The following LRMDA variants were observed in gnomAD, a reference collection of about 807,000 sequenced individuals.
LRMDA encodes the protein leucine-rich melanocyte differentiation-associated protein.
Under a neutral mutation model 29.8 loss-of-function variants are expected in LRMDA, and 18 were observed. The observed-to-expected ratio is 0.60, with a 90% CI of 0.42 to 0.90. The LOEUF (loss-of-function observed/expected upper bound fraction) is 0.90, where lower values mean the gene tolerates loss of function less well. Ranked by LOEUF, LRMDA falls within the 40% of genes least tolerant of loss-of-function variation. LRMDA has a pLI of 0.00. For missense variants in LRMDA, 273 were observed against 273.9 expected, an observed-to-expected ratio of 1.00 and a Z score of 0.02; for synonymous variants, 125 against 109.4, an observed-to-expected ratio of 1.14 and a Z score of -0.89.
At chr10:76,431,713 G>A (rs1044307206) in intron 6 of LRMDA, among the ~76,000 whole-genome samples, 2 of 152,170 alleles carry the variant, frequency 1.3e-5, no homozygotes, top group South Asian at 4.1e-4. Flanking sequence ...ATAAAGAGAT[G>A]ATAGATCCTG....
chr10:75,693,516 G>C (rs80237370), intron 2 of LRMDA, among the ~76,000 whole-genome samples: 2,718 of 152,236 alleles, frequency 0.018, 89 homozygotes, highest in African/African-American at 0.058. Flanking sequence ...CCTTTAATTG[G>C]AGAGCATAAA....
chr10:75,688,195 C>G (rs1842104954), intron 2 of LRMDA, among the ~76,000 whole-genome samples: 1 of 152,146 alleles, frequency 6.6e-6, no homozygotes, highest in Non-Finnish European at 1.5e-5. Flanking sequence ...GCTCTAGTTG[C>G]CATAGATAGT....
At chr10:75,980,525 C>G (rs1445050846) in intron 2 of LRMDA, among the ~76,000 whole-genome samples, 2 of 152,104 alleles carry the variant, frequency 1.3e-5, no homozygotes, top group African/African-American at 4.8e-5. Context: ...GGCAGGGGGG[C>G]TATAATGTTC....
At chr10:76,179,686 A>G (rs1406126286) in intron 5 of LRMDA, among the ~76,000 whole-genome samples, 2 of 152,210 alleles carry the variant, frequency 1.3e-5, no homozygotes, top group Non-Finnish European at 2.9e-5. Context: ...ATCCACGGAC[A>G]TATTTATATG....
intron 6 of LRMDA, among the ~76,000 whole-genome samples, chr10:76,525,154 C>T (rs1843161724): frequency 6.6e-6 from 1 of 152,050 alleles, no homozygotes; most frequent in Non-Finnish European, 1.5e-5. Flanking sequence ...TCAGATCTTG[C>T]AAAAGATATG....
At chr10:76,359,073 A>T (rs1841278097) in intron 6 of LRMDA, among the ~76,000 whole-genome samples, 1 of 152,096 alleles carries the variant, frequency 6.6e-6, no homozygotes, top group South Asian at 2.1e-4. Context: ...CTCCTGTGAC[A>T]GTCAGCCACA....
At chr10:76,083,334 C>T (rs1400410460) in intron 5 of LRMDA, among the ~76,000 whole-genome samples, 1 of 152,150 alleles carries the variant, frequency 6.6e-6, no homozygotes, top group Non-Finnish European at 1.5e-5. Context: ...TGGCCCATCT[C>T]GTCCCAGAAC....
chr10:76,453,306 G>A (rs1463361776), intron 6 of LRMDA, among the ~76,000 whole-genome samples: 1 of 152,180 alleles, frequency 6.6e-6, no homozygotes, highest in Admixed American at 6.5e-5. Flanking sequence ...TGATATGAAA[G>A]AGTAAGGATT....
chr10:75,908,793 A>G (rs569828234), intron 2 of LRMDA, among the ~76,000 whole-genome samples: 122 of 152,308 alleles, frequency 8.0e-4, no homozygotes, highest in Non-Finnish European at 1.4e-3. Context: ...TCTGCCAGTT[A>G]GAGGTGAAGG....
chr10:76,239,358 C>T (rs1235736978), intron 5 of LRMDA, among the ~76,000 whole-genome samples: 1 of 152,144 alleles, frequency 6.6e-6, no homozygotes, highest in Non-Finnish European at 1.5e-5. Context: ...ATTATCACAA[C>T]TAAAAAAAGA....
chr10:76,188,532 G>A (rs1055290084), intron 5 of LRMDA, among the ~76,000 whole-genome samples: 7 of 152,122 alleles, frequency 4.6e-5, no homozygotes, highest in African/African-American at 1.7e-4. Context: ...CCCTCTTGCG[G>A]GGCCTTTGTA....
At chr10:75,527,728 TATA>T (rs1845429835) in intron 2 of LRMDA, among the ~76,000 whole-genome samples, 1 of 147,218 alleles carries the variant, frequency 6.8e-6, no homozygotes, top group Non-Finnish European at 1.5e-5. Context: ...AATATAATTA[TATA>T]ATAATTATAA....
At chr10:75,982,157 A>G (rs1847183907) in intron 2 of LRMDA, among the ~76,000 whole-genome samples, 1 of 152,064 alleles carries the variant, frequency 6.6e-6, no homozygotes, top group African/African-American at 2.4e-5. Context: ...TCCTTAGGGC[A>G]TTTTTTACTT....
At chr10:75,566,489 G>A (rs1840373753) in intron 2 of LRMDA, among the ~76,000 whole-genome samples, 1 of 152,130 alleles carries the variant, frequency 6.6e-6, no homozygotes, top group African/African-American at 2.4e-5. Context: ...AGTCTAAGAA[G>A]CACTGCTAAG....
At chr10:75,993,234 A>G (rs1847402353) in intron 2 of LRMDA, among the ~76,000 whole-genome samples, 1 of 152,144 alleles carries the variant, frequency 6.6e-6, no homozygotes, top group Non-Finnish European at 1.5e-5. Flanking sequence ...GTCCTAGGAA[A>G]GGGGTCCCAG....
chr10:76,303,824 A>G (rs1375360489), intron 5 of LRMDA, among the ~76,000 whole-genome samples: 1 of 151,724 alleles, frequency 6.6e-6, no homozygotes, highest in Non-Finnish European at 1.5e-5. Flanking sequence ...TATGACATTC[A>G]GTACTGCTGA....
intron 6 of LRMDA, among the ~76,000 whole-genome samples, chr10:76,493,723 C>T (rs1040805026): frequency 3.3e-5 from 5 of 151,864 alleles, no homozygotes; most frequent in Admixed American, 1.3e-4. Flanking sequence ...TATTTTAGGT[C>T]CCTTGCATTT....
chr10:76,392,617 G>A (rs1375242895), intron 6 of LRMDA, among the ~76,000 whole-genome samples: 1 of 151,878 alleles, frequency 6.6e-6, no homozygotes, highest in Non-Finnish European at 1.5e-5. Flanking sequence ...GAGTATTTAG[G>A]ATATCAGATT....
intron 6 of LRMDA, among the ~76,000 whole-genome samples, chr10:76,345,736 T>C (rs953212324): frequency 6.6e-6 from 1 of 152,080 alleles, no homozygotes; most frequent in African/African-American, 2.4e-5. Flanking sequence ...ATAAACAAAT[T>C]GAATTTTCAA....
Sources: allele counts gnomAD v4.1 joint callset (sites outside exome capture counted in the v4.1 genomes callset), GRCh38; gene constraint gnomAD v4.1.1; transcripts MANE v1.5; gene names NCBI Gene and HGNC (gene_info 2026-07-23, HGNC 2026-07-21).